The following RBM33 variants were observed in gnomAD, a reference collection of about 807,000 sequenced individuals.
RBM33 encodes RNA-binding protein 33.
Under a neutral mutation model 132.6 loss-of-function variants are expected in RBM33, and 28 were observed. That is an observed-to-expected ratio of 0.21 (90% CI 0.16 to 0.29). The LOEUF is 0.29. Among genes scored for constraint, RBM33 ranks in the 10% least tolerant of loss-of-function variants. The pLI, the probability that RBM33 is intolerant of heterozygous loss-of-function variation, is 1.00. For synonymous variants in RBM33, 634 were observed against 593.0 expected (o/e 1.07, Z -1.01); for missense variants, 1,291 against 1,518.5 (o/e 0.85, Z 2.49).
chr7:155,673,940 G>GTTGTTGTTTTTTTTTTGTTTTTTTTTTT lies in RBM33; in HGVS notation c.171+1027_171+1028insGTTGTTTTTTTTTTGTTTTTTTTTTTTT. ...TCATTATCAAGATAGTTTAGGCTTA[G>GTTGTTGTTTTTTTTTTGTTTTTTTTTTT]TTTTTTTTTTTTTTTTTTTTTTTTT... On this transcript the variant is annotated intron_variant, in intron 3 of 17. Coordinates refer to ENST00000401878, the MANE Select transcript of RBM33 (RefSeq NM_053043.3). 2.0e-3 allele frequency among the ~76,000 whole-genome samples: 110 copies of GTTGTTGTTTTTTTTTTGTTTTTTTTTTT among 54,190 alleles called. 13 individuals are homozygous for GTTGTTGTTTTTTTTTTGTTTTTTTTTTT. The highest frequency in any genetic ancestry group is 8.6e-3 in the African/African-American group (104 of 12,120). 35.6% of individuals were successfully genotyped at this position (54,190 alleles called of 152,430 possible). A position where few individuals can be genotyped will look rare whatever the true frequency, so the allele number is the denominator to read the frequency against.
intron 3 of RBM33, among the ~76,000 whole-genome samples, chr7:155,673,687 T>TATACATACACGTGTATATATAC (rs1563137809): frequency 1.6e-5 from 2 of 125,390 alleles, no homozygotes; most frequent in African/African-American, 6.8e-5. Flanking sequence ...TGTATATATA[T>TATACATACACGTGTATATATAC]ACACACATAT....
chr7:155,742,921 C>T (rs1376546577), intron 13 of RBM33, among the ~76,000 whole-genome samples: 1 of 152,204 alleles, frequency 6.6e-6, no homozygotes, highest in Non-Finnish European at 1.5e-5. Context: ...GTGGAGTGCT[C>T]TGAAGCAGTG....
rs369116329 is a variant in RBM33 at position 155,673,768 on chromosome 7, GCA to G, written c.171+885_171+886del. On this transcript the variant is annotated intron_variant, in intron 3 of 17. Coordinates refer to ENST00000401878, the MANE Select transcript of RBM33 (RefSeq NM_053043.3). ...CACGTGTATATACGCGCGCATGCGC[GCA>G]CACACACACACACACACACACACAC... Among the ~76,000 whole-genome samples the G allele has an allele frequency of 5.3e-3, 706 of 132,962 alleles. 24 individuals are homozygous for G. The highest frequency in any genetic ancestry group is 0.012 in the African/African-American group (385 of 30,880). The allele number at this position is 132,962 out of a possible 152,430, so 87.2% of individuals were successfully genotyped here.
At chr7:155,748,761 TTGG>T (rs746999839) in intron 14 of RBM33, among the ~76,000 whole-genome samples, 2 of 152,130 alleles carry the variant, frequency 1.3e-5, no homozygotes, top group African/African-American at 2.4e-5. Context: ...TAGTCCTTTC[TTGG>T]TGGTCCCCTT....
At chr7:155,712,165 C>A (rs1163142292) in intron 8 of RBM33, among the ~76,000 whole-genome samples, 1 of 152,146 alleles carries the variant, frequency 6.6e-6, no homozygotes, top group Middle Eastern at 3.2e-3. Context: ...GGTGAGTGTC[C>A]CTCTTTGGTT....
chr7:155,686,691 C>T (rs1799488776), intron 5 of RBM33, among the ~76,000 whole-genome samples: 1 of 151,990 alleles, frequency 6.6e-6, no homozygotes, highest in Non-Finnish European at 1.5e-5. Context: ...CAAGTGTTCT[C>T]ATTGTTCAGT....
At chr7:155,737,375 G>GTGTGTA (rs1158848505) in intron 9 of RBM33, among the ~76,000 whole-genome samples, 155 bp from the exon 10 acceptor site, 1 of 151,934 alleles carries the variant, frequency 6.6e-6, no homozygotes, top group African/African-American at 2.4e-5. Context: ...GTGTGTGTGT[G>GTGTGTA]TGTGTGTGTG....
At chr7:155,706,838 A>G (rs372498970) in intron 6 of RBM33, 22 bp from the exon 7 acceptor site, 17 of 1,573,686 alleles carry the variant, frequency 1.1e-5, no homozygotes, top group African/African-American at 1.4e-5. Flanking sequence ...AGTAACTAAC[A>G]CATACACATT....
rs375578498 is a variant in RBM33 at position 155,718,083 on chromosome 7, GT to G, written c.1202-296del. Among the ~76,000 whole-genome samples the G allele has an allele frequency of 1.1e-3, 174 of 152,208 alleles. 2 individuals carry two copies. Among genetic ancestry groups the G allele is most frequent in the African/African-American group, 4.0e-3 (165 of 41,508 alleles). On this transcript the variant is annotated intron_variant, in intron 8 of 17. Transcript: ENST00000401878. ...TATAGGGATAGGAGAAACAAACTAG[GT>G]TTTTTATTTTAGAGGAATACTATCT... is the stretch of plus-strand genomic sequence containing the variant.
At chr7:155,716,316 GTT>G (rs59289310) in intron 8 of RBM33, among the ~76,000 whole-genome samples, 8 of 102,354 alleles carry the variant, frequency 7.8e-5, no homozygotes, top group South Asian at 3.4e-4. Flanking sequence ...CTTTTCTGCT[GTT>G]TTTTTTTTTT....
chr7:155,654,351 T>TA (rs916086904), intron 1 of RBM33, among the ~76,000 whole-genome samples: 2 of 152,252 alleles, frequency 1.3e-5, no homozygotes, highest in African/African-American at 4.8e-5. Context: ...GGTTTGTAGT[T>TA]ACTTTGTTTT....
rs749497912 is a variant in RBM33, at chr7:155,742,056, C to T, written c.2287C>T (p.Pro763Ser). The change falls in exon 13 of 18, where the codon CCA (proline) becomes TCA (serine). Residue 763 changes from proline (P) to serine (S), a missense_variant. Coordinates refer to ENST00000401878, the MANE Select transcript of RBM33 (RefSeq NM_053043.3). ...SQGKTEVKVK[P>S]ASPVAQPKEE... The stretch of plus-strand genomic sequence containing the variant: ...GGGAAAGACGGAAGTGAAAGTCAAG[C>T]CAGCTAGCCCTGTGGCTCAACCTAA... 38 of 1,613,964 alleles carry T rather than the reference C, an allele frequency of 2.4e-5. No homozygotes were observed. The highest frequency in any genetic ancestry group is 3.1e-5 in the Non-Finnish European group (36 of 1,179,884).
At chr7:155,706,250 G>A (rs993708405) in intron 6 of RBM33, among the ~76,000 whole-genome samples, 2 of 152,214 alleles carry the variant, frequency 1.3e-5, no homozygotes, top group African/African-American at 4.8e-5. Flanking sequence ...CTAGCACTTT[G>A]GGAGGCTGAG....
chr7:155,717,501 TG>T (rs66526218), intron 8 of RBM33, among the ~76,000 whole-genome samples: 25,483 of 93,596 alleles, frequency 0.27, 2,252 homozygotes, highest in Middle Eastern at 0.44. Flanking sequence ...TACGGGGGGT[TG>T]GGGCTTCAAC....
chr7:155,673,402 T>TTGTGGGGGTG (rs1491358812), intron 3 of RBM33, among the ~76,000 whole-genome samples: 4 of 45,162 alleles, frequency 8.9e-5, no homozygotes, highest in African/African-American at 5.9e-4. Flanking sequence ...TTTATATATA[T>TTGTGGGGGTG]TGTGTGTGTG....
chr7:155,696,896 A>T (rs975384711), intron 5 of RBM33, among the ~76,000 whole-genome samples: 6 of 152,152 alleles, frequency 3.9e-5, no homozygotes, highest in African/African-American at 9.7e-5. Context: ...ATGCTGTATG[A>T]TGTCTCCCAA....
At chr7:155,772,596 GTTAAC>G (rs1459540748) in intron 16 of RBM33, among the ~76,000 whole-genome samples, 9 of 152,146 alleles carry the variant, frequency 5.9e-5, no homozygotes, top group African/African-American at 2.2e-4. Context: ...TACTTTTCCT[GTTAAC>G]TTAATGACAA....
At chr7:155,716,316 G>GTTTTTTTTTTTTT (rs59289310) in intron 8 of RBM33, among the ~76,000 whole-genome samples, 2,619 of 102,096 alleles carry the variant, frequency 0.026, 266 homozygotes, top group African/African-American at 0.094. Context: ...CTTTTCTGCT[G>GTTTTTTTTTTTTT]TTTTTTTTTT....
At chr7:155,695,156 G>A (rs571680035) in intron 5 of RBM33, among the ~76,000 whole-genome samples, 2 of 152,222 alleles carry the variant, frequency 1.3e-5, no homozygotes, top group African/African-American at 2.4e-5. Context: ...TTCCATGTGC[G>A]ATTGGACTTC....
Sources: gnomAD v4.1 joint callset for allele counts (sites outside exome capture counted in the v4.1 genomes callset) on GRCh38, gnomAD v4.1.1 for gene constraint, MANE v1.5 for transcripts, NCBI Gene and HGNC (gene_info 2026-07-23, HGNC 2026-07-21) for gene names.